Variants in CALCR observed in about 807,000 individuals in gnomAD.
The protein encoded by CALCR is calcitonin receptor.
A neutral mutation model predicts 59.5 loss-of-function variants in CALCR; 47 were observed. That is an observed-to-expected ratio of 0.79 (90% CI 0.63 to 1.01). The LOEUF (loss-of-function observed/expected upper bound fraction) is 1.01, where lower values mean the gene tolerates loss of function less well. CALCR is among the 50% of genes least tolerant of loss of function. The probability of loss-of-function intolerance (pLI) is 0.00; values close to 1 mark genes in which losing one functional copy is unlikely to be tolerated. For synonymous variants in CALCR, 213 were observed against 211.3 expected (o/e 1.01, Z -0.07); for missense variants, 566 against 597.1 (o/e 0.95, Z 0.54).
At chr7:93,477,110 C>T (rs1465744703) in intron 5 of CALCR, among the ~76,000 whole-genome samples, 1 of 151,740 alleles carries the variant, frequency 6.6e-6, no homozygotes, top group Non-Finnish European at 1.5e-5. Context: ...GCCACTTAAC[C>T]CCTGTAGGCT....
chr7:93,429,307 A>AAAAAC (rs768328711), intron 13 of CALCR, among the ~76,000 whole-genome samples: 50 of 152,338 alleles, frequency 3.3e-4, no homozygotes, highest in Non-Finnish European at 5.1e-4. Context: ...ATTTAATCTG[A>AAAAAC]AAAACAAAAC....
At chr7:93,495,507 C>T (rs898204079) in intron 2 of CALCR, among the ~76,000 whole-genome samples, 1 of 151,290 alleles carries the variant, frequency 6.6e-6, no homozygotes, top group Non-Finnish European at 1.5e-5. Context: ...GTGCCCTACT[C>T]GCGGAGCCAA....
chr7:93,572,109 G>A (rs1790017399), intron 2 of CALCR, among the ~76,000 whole-genome samples: 1 of 152,028 alleles, frequency 6.6e-6, no homozygotes, highest in Non-Finnish European at 1.5e-5. Context: ...GATAAAAAAT[G>A]TTTTTCCGAG....
chr7:93,529,738 T>C (rs1788781748), intron 2 of CALCR, among the ~76,000 whole-genome samples: 1 of 152,144 alleles, frequency 6.6e-6, no homozygotes. Flanking sequence ...TACTAGTATT[T>C]ACTCAATGAA....
intron 9 of CALCR, among the ~76,000 whole-genome samples, chr7:93,440,545 C>G (rs73219961): frequency 4.7e-5 from 7 of 150,256 alleles, no homozygotes; most frequent in Non-Finnish European, 7.4e-5. Context: ...GTGTGTGTGT[C>G]TGTGTGTGTG....
At chr7:93,484,109 G>C (rs1800869018) in intron 3 of CALCR, 1 of 368,742 alleles carries the variant, frequency 2.7e-6, no homozygotes, top group African/African-American at 2.1e-5. Context: ...CACTCTTCTA[G>C]GTTCTGGAAA....
At chr7:93,428,381 T>A (rs1799576056) in intron 13 of CALCR, among the ~76,000 whole-genome samples, 1 of 152,230 alleles carries the variant, frequency 6.6e-6, no homozygotes, top group South Asian at 2.1e-4. Flanking sequence ...TGGCTTTATT[T>A]GGGTGGTACT....
chr7:93,490,447 GA>G (rs1386898405), intron 2 of CALCR, among the ~76,000 whole-genome samples: 1 of 151,714 alleles, frequency 6.6e-6, no homozygotes, highest in Non-Finnish European at 1.5e-5. Context: ...ATTCAAATAG[GA>G]ATAGAGGAAG....
intron 8 of CALCR, among the ~76,000 whole-genome samples, chr7:93,457,544 A>C (rs986775366): frequency 2.0e-5 from 3 of 152,124 alleles, no homozygotes; most frequent in African/African-American, 4.8e-5. Flanking sequence ...GAATTATGAT[A>C]CTTCGTAATG....
chr7:93,478,484 T>C lies in CALCR; in HGVS notation c.206-816A>G, dbSNP rs1179811534. 2.0e-5 allele frequency among the ~76,000 whole-genome samples: 3 copies of C among 151,390 alleles called. No individual in the cohort carries two copies. The East Asian group carries it at 5.9e-4, about 30-fold the overall frequency. On this transcript the variant is annotated intron_variant, in intron 4 of 13. Transcript: ENST00000426151. The stretch of plus-strand genomic sequence containing the variant: ...TGGGAACCTCTCCTGAGCCCAGGAG[T>C]TGGAGACCAGCATGGACAACATGGC...
At chr7:93,451,446 C>A (rs1008915285) in intron 8 of CALCR, among the ~76,000 whole-genome samples, 5 of 151,978 alleles carry the variant, frequency 3.3e-5, no homozygotes, top group Admixed American at 6.6e-5. Context: ...TCCTTTTCTG[C>A]TCCCCTTATC....
Position 93,431,793 on chromosome 7 carries a change from AT to A in CALCR, c.1191+2459del, listed in dbSNP as rs570685008. Among the ~76,000 whole-genome samples, 402 of 152,262 alleles carry A rather than the reference AT, an allele frequency of 2.6e-3. 3 individuals are homozygous for A. Among genetic ancestry groups the A allele is most frequent in the African/African-American group, 9.3e-3 (388 of 41,548 alleles). The stretch of plus-strand genomic sequence containing the variant: ...ATCATGCTACTTCCTTCTATAAACT[AT>A]TTTATCCACGATGTACGGAGAATAG... On this transcript the variant is annotated intron_variant, in intron 13 of 13. Transcript: ENST00000426151.
At position 93,477,584 on chromosome 7, in the gene CALCR, T is replaced by C. The variant is rs757166393; in HGVS notation, c.290A>G (p.Asp97Gly). Residue 97 changes from aspartate (D) to glycine (G), a missense_variant, in exon 5 of 14, where the codon GAT (aspartate) becomes GGT (glycine). Coordinates refer to ENST00000426151, the MANE Select transcript of CALCR (RefSeq NM_001742.4). ...TGATGGATCAAAATCCGGAAAATAATCTGGGCAGAACTGATAGGACAATAC... is the reference window on the plus strand; with the variant it reads ...TGATGGATCAAAATCCGGAAAATAACCTGGGCAGAACTGATAGGACAATAC... Reference protein sequence around the residue: ...AGVLSYQFCPDYFPDFDPSEK... With the variant: ...AGVLSYQFCPGYFPDFDPSEK... The C allele has an allele frequency of 6.2e-6, 10 of 1,609,888 alleles. No individual in the cohort carries two copies. Among genetic ancestry groups the C allele is most frequent in the Non-Finnish European group, 8.5e-6 (10 of 1,177,524 alleles).
rs750690555 is a variant in CALCR at position 93,429,945 on chromosome 7, T to TG, written c.1192-3357_1192-3356insC. Among the ~76,000 whole-genome samples, 1,133 of 147,846 alleles carry TG rather than the reference T, an allele frequency of 7.7e-3. 22 individuals are homozygous for TG. Among genetic ancestry groups the TG allele is most frequent in the African/African-American group, 0.023 (930 of 40,052 alleles). ...TTTTTTGTTTGTTTGTTTTTTTGTT[T>TG]TTTTTTGAGACAGAGTCTTGCTGTC... On this transcript the variant is annotated intron_variant, in intron 13 of 13. Transcript: ENST00000426151.
intron 2 of CALCR, among the ~76,000 whole-genome samples, chr7:93,523,059 T>C (rs1209312095): frequency 1.3e-5 from 2 of 152,198 alleles, no homozygotes; most frequent in Admixed American, 1.3e-4. Flanking sequence ...TGAAATAGAA[T>C]AGAATATGGT....
intron 7 of CALCR, among the ~76,000 whole-genome samples, chr7:93,462,650 G>C (rs1800359918): frequency 6.6e-6 from 1 of 152,048 alleles, no homozygotes; most frequent in African/African-American, 2.4e-5. Context: ...CTAGAACTAA[G>C]GAGTATGAAT....
At chr7:93,522,829 A>C (rs2116096435) in intron 2 of CALCR, among the ~76,000 whole-genome samples, 1 of 152,278 alleles carries the variant, frequency 6.6e-6, no homozygotes, top group African/African-American at 2.4e-5. Flanking sequence ...CCAGTATTTA[A>C]GTTAATTATT....
At chr7:93,437,091 C>A (rs1463567026) in intron 11 of CALCR, among the ~76,000 whole-genome samples, 1 of 151,538 alleles carries the variant, frequency 6.6e-6, no homozygotes, top group East Asian at 1.9e-4. Flanking sequence ...ATAAGAATTC[C>A]AAATATATCA....
chr7:93,516,943 G>A (rs903158047), intron 2 of CALCR, among the ~76,000 whole-genome samples: 1 of 151,814 alleles, frequency 6.6e-6, no homozygotes, highest in Non-Finnish European at 1.5e-5. Context: ...TTATGGTTTA[G>A]AGCATAAGAG....
Sources: gnomAD v4.1 joint callset for allele counts (sites outside exome capture counted in the v4.1 genomes callset) on GRCh38, gnomAD v4.1.1 for gene constraint, MANE v1.5 for transcripts, NCBI Gene and HGNC (gene_info 2026-07-23, HGNC 2026-07-21) for gene names.